PPARGC1A: variants seen among roughly 807,000 people sequenced by gnomAD.
PPARGC1A encodes the protein peroxisome proliferator-activated receptor gamma coactivator 1-alpha.
In PPARGC1A, 25 loss-of-function variants were observed where a neutral mutation model predicts 88.7. That is an observed-to-expected ratio of 0.28 (90% CI 0.21 to 0.39). The LOEUF (loss-of-function observed/expected upper bound fraction) is 0.39. Ranked by LOEUF, PPARGC1A falls within the 10% of genes least tolerant of loss-of-function variation. PPARGC1A has a pLI of 1.00. For missense variants in PPARGC1A, 880 were observed against 968.7 expected (o/e 0.91, Z 1.22); for synonymous variants, 363 against 355.6 (o/e 1.02, Z -0.24).
At chr4:24,042,818 T>G in the PPARGC1A span, among the ~76,000 whole-genome samples, 1 of 152,204 alleles carries the variant, frequency 6.6e-6, no homozygotes, top group Non-Finnish European at 1.5e-5. Flanking sequence ...AAAATAAGAT[T>G]GGTATAAAAG....
the PPARGC1A span, among the ~76,000 whole-genome samples, chr4:24,164,841 A>G: frequency 6.6e-6 from 1 of 152,074 alleles, no homozygotes; most frequent in Non-Finnish European, 1.5e-5. Flanking sequence ...GAATTTCTAT[A>G]GGGGGAAGGA....
chr4:23,927,896 G>T, the PPARGC1A span, among the ~76,000 whole-genome samples: 2 of 152,118 alleles, frequency 1.3e-5, no homozygotes, highest in African/African-American at 2.4e-5. Flanking sequence ...TATGGAAATG[G>T]ACTTTAACCA....
chr4:24,027,653 T>C, the PPARGC1A span, among the ~76,000 whole-genome samples: 1 of 152,188 alleles, frequency 6.6e-6, no homozygotes, highest in Admixed American at 6.5e-5. Flanking sequence ...TGAAATTTAA[T>C]TACTGATCAG....
chr4:24,085,930 C>T, the PPARGC1A span, among the ~76,000 whole-genome samples: 1 of 152,148 alleles, frequency 6.6e-6, no homozygotes, highest in Non-Finnish European at 1.5e-5. Context: ...TAATATCCCC[C>T]TCATTCAGAG....
the PPARGC1A span, among the ~76,000 whole-genome samples, chr4:24,327,368 A>G: frequency 6.6e-6 from 1 of 152,172 alleles, no homozygotes; most frequent in Admixed American, 6.5e-5. Flanking sequence ...AAGCCTTCAC[A>G]GCTGATATCT....
At chr4:24,464,591 G>A in the PPARGC1A span, among the ~76,000 whole-genome samples, 1 of 152,132 alleles carries the variant, frequency 6.6e-6, no homozygotes, top group African/African-American at 2.4e-5. Context: ...TTTCAGGCAA[G>A]AGATTACATG....
the PPARGC1A span, among the ~76,000 whole-genome samples, chr4:24,321,960 C>T: frequency 2.0e-5 from 3 of 152,292 alleles, no homozygotes; most frequent in South Asian, 2.1e-4. Flanking sequence ...AAAAATCTCA[C>T]GGGCTACATG....
At chr4:24,454,163 G>A in the PPARGC1A span, among the ~76,000 whole-genome samples, 1 of 151,486 alleles carries the variant, frequency 6.6e-6, no homozygotes, top group Admixed American at 6.6e-5. Context: ...CCAGATTGAT[G>A]AGCAATCAAC....
the PPARGC1A span, among the ~76,000 whole-genome samples, chr4:24,470,131 C>G: frequency 6.6e-6 from 1 of 152,090 alleles, no homozygotes; most frequent in African/African-American, 2.4e-5. The surrounding 1 kb of genome is among the most constrained non-coding windows in gnomAD (Gnocchi z 5.8). Flanking sequence ...CCTAACGCCT[C>G]TGACTCCAGG....
the PPARGC1A span, among the ~76,000 whole-genome samples, chr4:23,985,249 G>A: frequency 1.3e-5 from 2 of 152,128 alleles, no homozygotes; most frequent in African/African-American, 2.4e-5. Context: ...TGACACAGAC[G>A]ACTGGGTGAG....
the PPARGC1A span, among the ~76,000 whole-genome samples, chr4:24,043,877 C>T: frequency 1.3e-5 from 2 of 152,062 alleles, no homozygotes; most frequent in Admixed American, 6.5e-5. Flanking sequence ...TCCTCCACTG[C>T]CCCTACCTGC....
At chr4:24,131,235 A>C in the PPARGC1A span, among the ~76,000 whole-genome samples, 1 of 152,232 alleles carries the variant, frequency 6.6e-6, no homozygotes, top group Non-Finnish European at 1.5e-5. Flanking sequence ...AGTGTTTAAA[A>C]CAGTATTAAT....
intron 2 of PPARGC1A, among the ~76,000 whole-genome samples, chr4:23,849,807 A>ATTT (rs201793553): frequency 9.7e-5 from 14 of 144,550 alleles, no homozygotes; most frequent in East Asian, 8.1e-4. Context: ...TAGATTTAGA[A>ATTT]TTTTTTTTTT....
the PPARGC1A span, among the ~76,000 whole-genome samples, chr4:24,399,352 T>G: frequency 6.6e-6 from 1 of 152,174 alleles, no homozygotes. Context: ...TGATGTTACT[T>G]TTATAATGAG....
the PPARGC1A span, among the ~76,000 whole-genome samples, chr4:23,935,350 T>C: frequency 2.6e-5 from 4 of 152,226 alleles, no homozygotes; most frequent in Non-Finnish European, 5.9e-5. Flanking sequence ...AGACAACATC[T>C]GGAAGTAAAT....
chr4:23,823,045 T>C (rs1479609945), intron 7 of PPARGC1A, among the ~76,000 whole-genome samples: 1 of 152,030 alleles, frequency 6.6e-6, no homozygotes, highest in Non-Finnish European at 1.5e-5. Context: ...ATGTGCATTG[T>C]ACTGGTGATT....
At chr4:24,409,558 C>G in the PPARGC1A span, among the ~76,000 whole-genome samples, 1 of 152,192 alleles carries the variant, frequency 6.6e-6, no homozygotes, top group Non-Finnish European at 1.5e-5. Context: ...ATTATTTACT[C>G]TTAAGGCCCT....
intron 7 of PPARGC1A, among the ~76,000 whole-genome samples, chr4:23,815,330 A>G (rs1721777315): frequency 6.6e-6 from 1 of 152,154 alleles, no homozygotes; most frequent in African/African-American, 2.4e-5. Flanking sequence ...ACATTCTTGT[A>G]AGCATAACTA....
chr4:23,828,691 T>C, intron 4 of PPARGC1A, 87 bp from the exon 5 acceptor site: 1 of 1,223,422 alleles, frequency 8.2e-7, no homozygotes, highest in Non-Finnish European at 1.2e-6. Flanking sequence ...ATGGGATTTT[T>C]CAATGAAGTG....
Sources: allele counts gnomAD v4.1 joint callset (sites outside exome capture counted in the v4.1 genomes callset), GRCh38; gene constraint gnomAD v4.1.1; non-coding constraint Gnocchi (gnomAD v3.1); transcripts MANE v1.5; gene names NCBI Gene and HGNC (gene_info 2026-07-23, HGNC 2026-07-21).